Variants in PKIA observed in about 807,000 individuals in gnomAD.
PKIA encodes the protein PKI-alpha.
Under a neutral mutation model 7.6 loss-of-function variants are expected in PKIA, and 4 were observed. The observed-to-expected ratio is 0.52, with a 90% CI of 0.26 to 1.20. The LOEUF is 1.20. PKIA is among the 50% of genes most tolerant of loss of function. The pLI is 0.13. For synonymous variants in PKIA, 21 were observed against 30.7 expected, an observed-to-expected ratio of 0.68 and a Z score of 1.04; for missense variants, 73 against 86.2, an observed-to-expected ratio of 0.85 and a Z score of 0.61.
chr8:78,555,351 A>G (rs1343100456), intron 1 of PKIA, among the ~76,000 whole-genome samples: 1 of 151,964 alleles, frequency 6.6e-6, no homozygotes, highest in African/African-American at 2.4e-5. Context: ...TGAGGTAAAA[A>G]AAAAATGACT....
At chr8:78,524,307 A>G (rs1809501427) in intron 1 of PKIA, among the ~76,000 whole-genome samples, 3 of 149,402 alleles carry the variant, frequency 2.0e-5, no homozygotes, top group Non-Finnish European at 3.0e-5. Context: ...GATTTTTAGA[A>G]ATGATTCATT....
At chr8:78,575,813 C>G (rs1191514853) in intron 2 of PKIA, among the ~76,000 whole-genome samples, 1 of 151,988 alleles carries the variant, frequency 6.6e-6, no homozygotes, top group African/African-American at 2.4e-5. Context: ...TATAAAACCT[C>G]AATTGGTCTT....
At chr8:78,563,357 A>G (rs148725142) in intron 1 of PKIA, among the ~76,000 whole-genome samples, 39 of 152,280 alleles carry the variant, frequency 2.6e-4, no homozygotes, top group African/African-American at 7.9e-4. Flanking sequence ...AGTCTTGACT[A>G]CTGTTACTAG....
At chr8:78,538,897 G>A (rs1806604027) in intron 1 of PKIA, among the ~76,000 whole-genome samples, 1 of 151,996 alleles carries the variant, frequency 6.6e-6, no homozygotes, top group Non-Finnish European at 1.5e-5. Flanking sequence ...GAGAGAGTGT[G>A]GGTGTCTTGG....
rs74641510 is a variant in PKIA at position 78,517,284 on chromosome 8, T to C, written c.-157+816T>C. Among the ~76,000 whole-genome samples, 1,280 of 152,298 alleles carry C rather than the reference T, an allele frequency of 8.4e-3. 13 individuals carry two copies. Among genetic ancestry groups the C allele is most frequent in the African/African-American group, 0.029 (1,190 of 41,568 alleles). The stretch of plus-strand genomic sequence containing the variant: ...GAATGAAATATCCTGCTTGTGGCCC[T>C]GTACCAACATGTTATCCCATTAACT... On this transcript the variant is annotated intron_variant, in intron 1 of 3. Transcript: ENST00000396418.
chr8:78,541,865 C>G (rs748476301), intron 1 of PKIA, among the ~76,000 whole-genome samples: 15 of 141,302 alleles, frequency 1.1e-4, no homozygotes, highest in Non-Finnish European at 1.8e-4. Context: ...TTAGCTTTCT[C>G]TTTCAAGAGT....
At chr8:78,575,271 T>C (rs983983921) in intron 2 of PKIA, among the ~76,000 whole-genome samples, 7 of 151,888 alleles carry the variant, frequency 4.6e-5, no homozygotes, top group African/African-American at 1.4e-4. Context: ...CTGGTTCTTT[T>C]TTTGTCATAA....
chr8:78,578,058 A>G (rs1256026390), intron 2 of PKIA, among the ~76,000 whole-genome samples: 3 of 151,938 alleles, frequency 2.0e-5, no homozygotes, highest in Non-Finnish European at 2.9e-5. Flanking sequence ...GCCCCTTTTT[A>G]GTCATTTTAT....
At chr8:78,581,842 G>A (rs1807816273) in intron 2 of PKIA, among the ~76,000 whole-genome samples, 1 of 152,060 alleles carries the variant, frequency 6.6e-6, no homozygotes, top group Non-Finnish European at 1.5e-5. Context: ...CTATAGTAAT[G>A]TATCAGTGCT....
intron 1 of PKIA, among the ~76,000 whole-genome samples, chr8:78,541,807 C>CTTT (rs780479329): frequency 1.5e-4 from 20 of 134,216 alleles, no homozygotes; most frequent in African/African-American, 4.4e-4. Context: ...TTGGATTTCT[C>CTTT]TTTTTTTTTT....
chr8:78,561,906 C>A (rs1014202458), intron 1 of PKIA, among the ~76,000 whole-genome samples: 1 of 152,084 alleles, frequency 6.6e-6, no homozygotes, highest in Admixed American at 6.6e-5. Context: ...CTCTTTGTAT[C>A]CCCATTCTCA....
intron 2 of PKIA, among the ~76,000 whole-genome samples, chr8:78,588,524 C>T (rs543357493): frequency 3.3e-5 from 5 of 152,040 alleles, no homozygotes; most frequent in East Asian, 1.9e-4. Context: ...CAGTGTAAAA[C>T]GCTAAATACA....
chr8:78,597,500 A>G (rs564071337), intron 2 of PKIA, among the ~76,000 whole-genome samples: 10 of 152,236 alleles, frequency 6.6e-5, no homozygotes, highest in Admixed American at 2.0e-4. Context: ...AGCAAACTGA[A>G]TTTTGGCCCA....
intron 2 of PKIA, among the ~76,000 whole-genome samples, chr8:78,578,544 T>TG (rs1807731164): frequency 2.7e-4 from 1 of 3,758 alleles, no homozygotes; most frequent in Non-Finnish European, 4.7e-4. Context: ...AAAATCATTA[T>TG]TTTTTTGTTT....
rs542105387 is a variant in PKIA, at chr8:78,538,574, C to G, written c.-157+22106C>G. Among the ~76,000 whole-genome samples the G allele has an allele frequency of 3.9e-5, 6 of 152,120 alleles. No individual in the cohort carries two copies. In the South Asian group the frequency reaches 1.2e-3, roughly 32 times the overall value. On this transcript the variant is annotated intron_variant, in intron 1 of 3. Transcript: ENST00000396418. ...CCACTGCCATATTAAGCTTCTAATACTAAGAAAAGTGTCAGGTATACGGTA... is the reference window on the plus strand; with the variant it reads ...CCACTGCCATATTAAGCTTCTAATAGTAAGAAAAGTGTCAGGTATACGGTA...
intron 2 of PKIA, among the ~76,000 whole-genome samples, chr8:78,596,301 G>A (rs779018189): frequency 9.3e-4 from 141 of 151,918 alleles, no homozygotes; most frequent in Non-Finnish European, 1.5e-3. Context: ...TGCAATGGGC[G>A]TGATCTCACC....
At chr8:78,587,746 A>T (rs1214406503) in intron 2 of PKIA, among the ~76,000 whole-genome samples, 1 of 152,222 alleles carries the variant, frequency 6.6e-6, no homozygotes, top group Non-Finnish European at 1.5e-5. Flanking sequence ...CTGTTATTTT[A>T]AAAAATCTTT....
At chr8:78,525,154 T>G (rs545365012) in intron 1 of PKIA, among the ~76,000 whole-genome samples, 6 of 151,792 alleles carry the variant, frequency 4.0e-5, no homozygotes, top group African/African-American at 1.4e-4. Context: ...CACTTAACCA[T>G]GCACCATCTG....
chr8:78,561,617 A>T (rs1330545260), intron 1 of PKIA, among the ~76,000 whole-genome samples: 1 of 152,104 alleles, frequency 6.6e-6, no homozygotes, highest in Non-Finnish European at 1.5e-5. Flanking sequence ...ATGATTTTGA[A>T]CTTCTCAAGT....
Sources: allele counts gnomAD v4.1 joint callset (sites outside exome capture counted in the v4.1 genomes callset), GRCh38; gene constraint gnomAD v4.1.1; transcripts MANE v1.5; gene names NCBI Gene and HGNC (gene_info 2026-07-23, HGNC 2026-07-21).